The following LRRC38 variants were observed in gnomAD, a reference collection of about 807,000 sequenced individuals.
LRRC38 encodes the protein leucine-rich repeat-containing protein 38.
LRRC38 carries 5 observed loss-of-function variants against 16.4 expected under a neutral mutation model. The ratio of observed to expected loss-of-function variants is 0.31; its 90% CI spans 0.16 to 0.64. The LOEUF is 0.64. LRRC38 is among the 30% of genes least tolerant of loss of function. LRRC38 has a pLI of 0.80. For missense variants in LRRC38, 341 were observed against 401.8 expected (o/e 0.85, Z 1.29); for synonymous variants, 191 against 190.2 (o/e 1.00, Z -0.04).
chr1:13,507,697 T>C (rs930903687), intron 1 of LRRC38, among the ~76,000 whole-genome samples: 2 of 152,012 alleles, frequency 1.3e-5, no homozygotes, highest in African/African-American at 4.8e-5. Context: ...CTGGGTGTGG[T>C]GGCAGGCGCC....
intron 1 of LRRC38, among the ~76,000 whole-genome samples, chr1:13,507,805 C>T (rs1351433073): frequency 3.9e-5 from 6 of 152,094 alleles, no homozygotes; most frequent in Non-Finnish European, 7.4e-5. Context: ...GCACTCCAGC[C>T]TGGGTGACAG....
chr1:13,481,449 T>C (rs559254670), intron 1 of LRRC38, among the ~76,000 whole-genome samples: 3 of 151,686 alleles, frequency 2.0e-5, no homozygotes, highest in East Asian at 1.9e-4. Context: ...TGGAGTGCAC[T>C]GGCATGATCT....
At chr1:13,511,919 G>A (rs879610218) in intron 1 of LRRC38, among the ~76,000 whole-genome samples, 3 of 152,162 alleles carry the variant, frequency 2.0e-5, no homozygotes, top group Admixed American at 6.5e-5. Context: ...TCAGCACACA[G>A]ATGAACAGCA....
At chr1:13,492,754 C>T (rs1473282361) in intron 1 of LRRC38, among the ~76,000 whole-genome samples, 1 of 152,096 alleles carries the variant, frequency 6.6e-6, no homozygotes, top group African/African-American at 2.4e-5. Context: ...CCAGCCCTGA[C>T]ACTCTATGAA....
intron 1 of LRRC38, among the ~76,000 whole-genome samples, chr1:13,496,323 C>A (rs939858390): frequency 3.3e-5 from 5 of 151,632 alleles, no homozygotes; most frequent in African/African-American, 4.8e-5. Flanking sequence ...TGTGTGCCAC[C>A]AAACCTAGCT....
chr1:13,489,381 C>T (rs1367529131), intron 1 of LRRC38, among the ~76,000 whole-genome samples: 1 of 152,206 alleles, frequency 6.6e-6, no homozygotes. Context: ...CTTGGTTTCA[C>T]AGCATCATAG....
Position 13,475,993 on chromosome 1 carries a change from TGTGA to T in LRRC38, c.734_737del (p.Leu245GlnfsTer75). 6.4e-7 allele frequency: 1 copy of T among 1,550,562 alleles called. No homozygotes were observed. Among genetic ancestry groups the T allele is most frequent in the Non-Finnish European group, 8.7e-7 (1 of 1,146,984 alleles). On this transcript the variant is annotated frameshift_variant, in exon 2 of 2. Transcript: ENST00000376085. LOFTEE classifies it high-confidence loss of function. The surrounding 1 kb of genome is among the most constrained non-coding windows in gnomAD (Gnocchi z 4.3). The stretch of plus-strand genomic sequence containing the variant: ...CGGAGAAAATGATGATGCAGAGGTC[TGTGA>T]GTGACAGGCTGAACCTACACTCGCT...
intron 1 of LRRC38, among the ~76,000 whole-genome samples, chr1:13,481,780 CCTCTCTCCCT>C (rs1376010231): frequency 3.7e-3 from 217 of 58,304 alleles, no homozygotes; most frequent in African/African-American, 0.026. Context: ...TCCCTCTCTC[CCTCTCTCCCT>C]CTCTCTCTCT....
chr1:13,480,727 G>T (rs896894576), intron 1 of LRRC38, among the ~76,000 whole-genome samples: 3 of 152,036 alleles, frequency 2.0e-5, no homozygotes, highest in Non-Finnish European at 4.4e-5. Context: ...ACGTGAGTTT[G>T]CTCCTCCTTC....
At chr1:13,483,230 G>A (rs1421478129) in intron 1 of LRRC38, among the ~76,000 whole-genome samples, 2 of 151,328 alleles carry the variant, frequency 1.3e-5, no homozygotes, top group African/African-American at 4.9e-5. Context: ...CGGCTCACTG[G>A]AACCTCTGCC....
chr1:13,505,568 G>A (rs936359523), intron 1 of LRRC38, among the ~76,000 whole-genome samples: 8 of 152,188 alleles, frequency 5.3e-5, no homozygotes, highest in African/African-American at 1.7e-4. Context: ...TCCTACGCAG[G>A]GTGCGGCTGA....
chr1:13,500,669 C>A (rs951973730), intron 1 of LRRC38, among the ~76,000 whole-genome samples: 4 of 152,198 alleles, frequency 2.6e-5, no homozygotes, highest in Non-Finnish European at 4.4e-5. Flanking sequence ...CCACCTTAGG[C>A]CCATGTCTTC....
intron 1 of LRRC38, among the ~76,000 whole-genome samples, chr1:13,477,253 ACATT>A (rs1638800426): frequency 6.6e-6 from 1 of 152,326 alleles, no homozygotes; most frequent in African/African-American, 2.4e-5. Flanking sequence ...GAGAATATAG[ACATT>A]CATTTATGCC....
chr1:13,490,941 G>T (rs911050244), intron 1 of LRRC38, among the ~76,000 whole-genome samples: 1 of 152,150 alleles, frequency 6.6e-6, no homozygotes, highest in Admixed American at 6.5e-5. Context: ...GGGTGTGTGT[G>T]TCCCCTCCCA....
At chr1:13,497,698 A>G (rs1639095990) in intron 1 of LRRC38, among the ~76,000 whole-genome samples, 1 of 152,128 alleles carries the variant, frequency 6.6e-6, no homozygotes, top group Non-Finnish European at 1.5e-5. Context: ...ATTTTGGGCC[A>G]AGCACGGTGG....
At chr1:13,502,037 G>T (rs892845275) in intron 1 of LRRC38, among the ~76,000 whole-genome samples, 1 of 148,836 alleles carries the variant, frequency 6.7e-6, no homozygotes, top group Non-Finnish European at 1.5e-5. Context: ...ATGCCATTCT[G>T]CTGCCTCAGC....
chr1:13,498,812 T>C (rs1639112475), intron 1 of LRRC38, among the ~76,000 whole-genome samples: 1 of 152,160 alleles, frequency 6.6e-6, no homozygotes, highest in Non-Finnish European at 1.5e-5. Flanking sequence ...ACGGAAATGC[T>C]TGTCTCAGAA....
intron 1 of LRRC38, among the ~76,000 whole-genome samples, chr1:13,495,606 C>T (rs959167436): frequency 3.9e-5 from 6 of 151,954 alleles, no homozygotes; most frequent in African/African-American, 1.2e-4. Context: ...AGGATAGGAA[C>T]GCCAGAAAGA....
In LRRC38 at chr1:13,513,380, G is replaced by C. The variant is rs559382090; in HGVS notation, c.214C>G (p.Pro72Ala). Reference sequence around the variant, plus strand: ...CCGTAGAAGATGAAGAAGTCCTCGGGGATCCGCTGGATGCGGTTGCCGGCC... The same window carrying C: ...CCGTAGAAGATGAAGAAGTCCTCGGCGATCCGCTGGATGCGGTTGCCGGCC... ...LVAGNRIQRI[P>A]EDFFIFYGDL... Residue 72 changes from proline to alanine, a missense_variant, in exon 1 of 2, where the codon CCC becomes GCC. By Grantham distance (27) the Pro-to-Ala change is conservative. Transcript: ENST00000376085. The C allele has an allele frequency of 6.4e-7, 1 of 1,550,582 alleles. No homozygotes were observed. Among genetic ancestry groups the C allele is most frequent in the East Asian group, 2.4e-5 (1 of 40,886 alleles).
Sources: gnomAD v4.1 joint callset for allele counts (sites outside exome capture counted in the v4.1 genomes callset) on GRCh38, gnomAD v4.1.1 for gene constraint, Gnocchi (gnomAD v3.1) non-coding constraint, MANE v1.5 for transcripts, NCBI Gene and HGNC (gene_info 2026-07-23, HGNC 2026-07-21) for gene names.